Variants in ALDH1L1 observed in about 807,000 individuals in gnomAD.
ALDH1L1 encodes the protein cytosolic 10-formyltetrahydrofolate dehydrogenase.
Under a neutral mutation model 101.1 loss-of-function variants are expected in ALDH1L1, and 68 were observed. The observed-to-expected ratio is 0.67, with a 90% CI of 0.55 to 0.82. The LOEUF (loss-of-function observed/expected upper bound fraction) is 0.82. ALDH1L1 is among the 40% of genes least tolerant of loss of function. The pLI, the probability that ALDH1L1 is intolerant of heterozygous loss-of-function variation, is 0.00. For synonymous variants in ALDH1L1, 486 were observed against 470.8 expected (o/e 1.03, Z -0.42); for missense variants, 1,087 against 1,172.7 (o/e 0.93, Z 1.07).
intron 16 of ALDH1L1, among the ~76,000 whole-genome samples, chr3:126,118,668 A>G (rs2080022749): frequency 6.6e-6 from 1 of 152,162 alleles, no homozygotes; most frequent in African/African-American, 2.4e-5. Context: ...GCAGACCCCA[A>G]GGTGAGGGCA....
chr3:126,112,255 C>T (rs994160534), intron 19 of ALDH1L1, among the ~76,000 whole-genome samples: 34 of 152,194 alleles, frequency 2.2e-4, no homozygotes, highest in South Asian at 4.1e-4. Flanking sequence ...CAGAGCCTGA[C>T]GGGAGCTACT....
In ALDH1L1 at chr3:126,138,446, C is replaced by T. The variant is rs527529488; in HGVS notation, c.1077-486G>A. 3.9e-5 allele frequency among the ~76,000 whole-genome samples: 6 copies of T among 152,248 alleles called. No homozygotes were observed. The East Asian group carries it at 1.2e-3, about 29-fold the overall frequency. The stretch of plus-strand genomic sequence containing the variant: ...CAAAACTCAATACTAAGAAAGCAAA[C>T]AACCTAATTAAAAATGAGCAAAAGA... On this transcript the variant is annotated intron_variant, in intron 9 of 22. Transcript: ENST00000393434.
intron 18 of ALDH1L1, 148 bp downstream of exon 18, chr3:126,114,409 G>T: frequency 1.8e-6 from 1 of 545,460 alleles, no homozygotes; most frequent in South Asian, 6.7e-5. Context: ...TAAGCCTGCT[G>T]CCTGCCACGC....
chr3:126,152,302 T>C (rs2080821061), intron 7 of ALDH1L1: 1 of 152,264 alleles, frequency 6.6e-6, no homozygotes, highest in African/African-American at 2.4e-5. Flanking sequence ...ACTTTTGCTT[T>C]GCTTTCCTCT....
At chr3:126,120,368 CA>C (rs1352563812) in intron 16 of ALDH1L1, among the ~76,000 whole-genome samples, 1 of 152,092 alleles carries the variant, frequency 6.6e-6, no homozygotes, top group Non-Finnish European at 1.5e-5. Context: ...TGAAAGAAGC[CA>C]AATGAAAAGC....
chr3:126,176,100 C>A (rs2081360940), intron 1 of ALDH1L1, among the ~76,000 whole-genome samples: 1 of 151,884 alleles, frequency 6.6e-6, no homozygotes, highest in East Asian at 1.9e-4. Context: ...TACATTAGCA[C>A]CAAAAAGTGA....
chr3:126,157,482 C>G lies in ALDH1L1; in HGVS notation c.389G>C (p.Gly130Ala), dbSNP rs1208048373. 4 of 1,614,046 alleles carry G rather than the reference C, an allele frequency of 2.5e-6. No homozygotes were observed. Among genetic ancestry groups the G allele is most frequent in the Non-Finnish European group, 3.4e-6 (4 of 1,179,990 alleles). Residue 130 changes from glycine (G) to alanine (A), a missense_variant, in exon 4 of 23, where the codon GGG becomes GCG. By Grantham distance (60) the Gly-to-Ala change is moderately conservative. Coordinates refer to ENST00000393434, the MANE Select transcript of ALDH1L1 (RefSeq NM_012190.4). ...ATCCGCCCAGAAGATGGAAAACCCC[C>G]CTTTCTTATCTCCGTGAATGAGGGT... ...NWTLIHGDKK[G>A]GFSIFWADDG...
chr3:126,105,887 T>G lies in ALDH1L1; in HGVS notation c.2492A>C (p.Glu831Ala), dbSNP rs1945850723. 1 of 1,613,914 alleles carries G rather than the reference T, an allele frequency of 6.2e-7. No individual in the cohort carries two copies. The change falls in exon 22 of 23, where the codon GAA (glutamate) becomes GCA (alanine). Residue 831 changes from glutamate (E) to alanine (A), a missense_variant. Glu to Ala is a moderately radical substitution (Grantham distance 107, BLOSUM62 -1). Around this residue, in one of 2 missense-constraint regions of ALDH1L1, gnomAD observed 442 missense variants for 535.7 expected, o/e 0.83. Transcript: ENST00000393434. Reference sequence around the variant, plus strand: ...GAAGACACCAGAAGCCAGGCCAAATTCCGTGGCATTGGCCCGAGACAGCAC... The same window carrying G: ...GAAGACACCAGAAGCCAGGCCAAATGCCGTGGCATTGGCCCGAGACAGCAC... ...DAVLSRANAT[E>A]FGLASGVFTR...
chr3:126,120,641 C>T (rs996346904), intron 16 of ALDH1L1, among the ~76,000 whole-genome samples: 3 of 152,122 alleles, frequency 2.0e-5, no homozygotes, highest in African/African-American at 7.2e-5. Context: ...TTGTTTGTAA[C>T]AAACATACTC....
At chr3:126,123,257 C>CTT (rs138624090) in intron 16 of ALDH1L1, among the ~76,000 whole-genome samples, 4 of 138,646 alleles carry the variant, frequency 2.9e-5, no homozygotes, top group Admixed American at 2.2e-4. Context: ...CACCAAAACT[C>CTT]TTTTTTTTTT....
At chr3:126,190,030 C>A (rs942630324) in intron 1 of ALDH1L1, among the ~76,000 whole-genome samples, 2 of 152,204 alleles carry the variant, frequency 1.3e-5, no homozygotes, top group East Asian at 3.8e-4. Context: ...TGTCCAGTAA[C>A]ATAGATTCCT....
intron 17 of ALDH1L1, among the ~76,000 whole-genome samples, chr3:126,116,488 TGGAGTG>T (rs2079975482): frequency 6.6e-6 from 1 of 152,192 alleles, no homozygotes; most frequent in Non-Finnish European, 1.5e-5. Context: ...TGTCCAGCTC[TGGAGTG>T]CTCAGAGCTG....
At chr3:126,132,037 G>A (rs1236058141) in intron 12 of ALDH1L1, among the ~76,000 whole-genome samples, 1 of 152,260 alleles carries the variant, frequency 6.6e-6, no homozygotes, top group Non-Finnish European at 1.5e-5. Context: ...TCACAGAAGG[G>A]CTGACTAGGG....
intron 1 of ALDH1L1, among the ~76,000 whole-genome samples, chr3:126,187,320 AGAAG>A (rs2081526025): frequency 2.0e-5 from 3 of 151,566 alleles, no homozygotes; most frequent in African/African-American, 7.2e-5. Context: ...CATCATAACC[AGAAG>A]GAAGGAAGGG....
At chr3:126,191,485 T>A (rs2081553122) in intron 1 of ALDH1L1, among the ~76,000 whole-genome samples, 1 of 152,174 alleles carries the variant, frequency 6.6e-6, no homozygotes, top group South Asian at 2.1e-4. Flanking sequence ...GTCCTAAGGT[T>A]GGGGCTGCGG....
chr3:126,113,621 G>A (rs1946150374), intron 18 of ALDH1L1, among the ~76,000 whole-genome samples: 1 of 152,222 alleles, frequency 6.6e-6, no homozygotes, highest in Non-Finnish European at 1.5e-5. Context: ...CCGGGCCCGT[G>A]AACAAGGCCC....
chr3:126,147,974 G>C (rs2080730943), intron 8 of ALDH1L1, among the ~76,000 whole-genome samples: 1 of 152,038 alleles, frequency 6.6e-6, no homozygotes, highest in African/African-American at 2.4e-5. Flanking sequence ...TTAAGTCCTG[G>C]GCATCCTTAA....
rs182350094 is a variant in ALDH1L1 at position 126,131,815 on chromosome 3, C to T, written c.1473-281G>A. Among the ~76,000 whole-genome samples the T allele has an allele frequency of 1.4e-4, 21 of 152,362 alleles. No homozygotes were observed. The South Asian group carries it at 2.1e-3, about 15-fold the overall frequency. On this transcript the variant is annotated intron_variant, in intron 12 of 22. Coordinates refer to ENST00000393434, the MANE Select transcript of ALDH1L1 (RefSeq NM_012190.4). ...GATCCACTACTTTATCCTATTCCTC[C>T]GAAATTATCCTGCAGAGGCATTCAC...
chr3:126,127,850 G>A (rs2080220466), intron 14 of ALDH1L1, among the ~76,000 whole-genome samples: 1 of 152,260 alleles, frequency 6.6e-6, no homozygotes, highest in Admixed American at 6.5e-5. Context: ...CTGGGATGAT[G>A]ACAGGCATGG....
Sources: gnomAD v4.1 joint callset for allele counts (sites outside exome capture counted in the v4.1 genomes callset) on GRCh38, gnomAD v4.1.1 for gene constraint, gnomAD v4.1.1 regional missense constraint, MANE v1.5 for transcripts, NCBI Gene and HGNC (gene_info 2026-07-23, HGNC 2026-07-21) for gene names.